RPS27: variants seen among roughly 807,000 people sequenced by gnomAD.
The protein encoded by RPS27 is small ribosomal subunit protein eS27.
RPS27 carries 1 observed loss-of-function variant against 11.8 expected under a neutral mutation model. The ratio of observed to expected loss-of-function variants is 0.08; its 90% CI spans 0.03 to 0.40. RPS27 has a LOEUF of 0.40. Among genes scored for constraint, RPS27 ranks in the 10% least tolerant of loss-of-function variants. RPS27 has a pLI of 0.98. For missense variants in RPS27, 44 were observed against 100.1 expected (o/e 0.44, Z 2.39); for synonymous variants, 42 against 33.8 (o/e 1.24, Z -0.84).
chr1:153,991,838 A>T (rs985397734), intron 3 of RPS27, 162 bp downstream of exon 3: 6 of 669,890 alleles, frequency 9.0e-6, no homozygotes, highest in African/African-American at 7.2e-5. Flanking sequence ...TACTACCAAA[A>T]GCTATGTATT....
At chr1:153,991,399 G>C (rs1649394749) in intron 2 of RPS27, 167 bp from the exon 3 acceptor site, 3 of 1,471,004 alleles carry the variant, frequency 2.0e-6, no homozygotes, top group Non-Finnish European at 2.7e-6. Context: ...GCAAAGTTTT[G>C]CATCTTAGGA....
chr1:153,991,330 T>C, intron 2 of RPS27, 107 bp downstream of exon 2: 1 of 1,522,554 alleles, frequency 6.6e-7, no homozygotes, highest in Non-Finnish European at 8.8e-7. Context: ...CAGCTTCAGT[T>C]TCTTCGCCTG....
At chr1:153,991,035 G>C (rs1358867927) in intron 1 of RPS27, 80 bp from the exon 2 acceptor site, 2 of 1,228,362 alleles carry the variant, frequency 1.6e-6, no homozygotes, top group Non-Finnish European at 2.3e-6. Context: ...GCTCTCCCCG[G>C]TGTGTGACAG....
intron 1 of RPS27, 52 bp downstream of exon 1, chr1:153,990,854 T>G: frequency 6.2e-7 from 1 of 1,612,338 alleles, no homozygotes; most frequent in South Asian, 1.1e-5. Context: ...CTGTCCGAAC[T>G]CTCCCCTCAC....
rs373574399 is a variant in RPS27, at chr1:153,991,100, T to C, written c.7-15T>C. 2.9e-5 allele frequency: 45 copies of C among 1,551,432 alleles called. No individual in the cohort carries two copies. The highest frequency in any genetic ancestry group is 3.8e-5 in the Non-Finnish European group (43 of 1,143,886). On this transcript the variant is annotated splice_polypyrimidine_tract_variant and intron_variant, in intron 1 of 3. Transcript: ENST00000651669. Reference sequence around the variant, plus strand: ...GCTGTTGGTTTCTAAATCTCTGCATTTCTGTCCCTCTTAGCTCGCAAAGGA... The same window carrying C: ...GCTGTTGGTTTCTAAATCTCTGCATCTCTGTCCCTCTTAGCTCGCAAAGGA...
chr1:153,991,517 G>C (rs1340527435), intron 2 of RPS27, 49 bp from the exon 3 acceptor site: 4 of 1,362,364 alleles, frequency 2.9e-6, no homozygotes, highest in Admixed American at 3.8e-5. Context: ...ATAAGTGCAG[G>C]AAAGACGGGT....
intron 2 of RPS27, 67 bp from the exon 3 acceptor site, chr1:153,991,499 A>C: frequency 7.3e-7 from 1 of 1,368,744 alleles, no homozygotes; most frequent in South Asian, 1.2e-5. Flanking sequence ...ATGGATGATG[A>C]GTTGGGCATA....
rs924663438 is a variant in RPS27, at chr1:153,990,936, G to T, written c.6+134G>T. 7.2e-6 allele frequency: 10 copies of T among 1,379,518 alleles called. No homozygotes were observed. The African/African-American group carries it at 1.3e-4, about 18-fold the overall frequency. The allele number at this position is 1,379,518 out of a possible 1,614,324, so 85.5% of individuals were successfully genotyped here. A position where few individuals can be genotyped will look rare whatever the true frequency, so the allele number is the denominator to read the frequency against. The stretch of plus-strand genomic sequence containing the variant: ...TAGGACATTAACTCCAGGGACCGCA[G>T]CGGCCCACGGGCCACCCGCATAGAC... On this transcript the variant is annotated intron_variant, in intron 1 of 3. Coordinates refer to ENST00000651669, the MANE Select transcript of RPS27 (RefSeq NM_001030.6).
chr1:153,991,407 G>T, intron 2 of RPS27, 159 bp from the exon 3 acceptor site: 1 of 1,450,540 alleles, frequency 6.9e-7, no homozygotes, highest in Non-Finnish European at 9.3e-7. Flanking sequence ...TTGCATCTTA[G>T]GAGGAGTGAT....
intron 1 of RPS27, 45 bp from the exon 2 acceptor site, chr1:153,991,069 AT>A (rs777073331): frequency 3.5e-6 from 5 of 1,448,354 alleles, no homozygotes; most frequent in Non-Finnish European, 4.7e-6. Context: ...CGACCATCCC[AT>A]TTTCGCTGTT....
At chr1:153,990,855 C>G (rs1557895415) in intron 1 of RPS27, 53 bp downstream of exon 1, 1 of 1,611,964 alleles carries the variant, frequency 6.2e-7, no homozygotes, top group Non-Finnish European at 8.5e-7. Flanking sequence ...TGTCCGAACT[C>G]TCCCCTCACG....
chr1:153,992,095 A>C lies in RPS27; in HGVS notation c.*2A>C. The C allele has an allele frequency of 6.2e-7, 1 of 1,610,790 alleles. No homozygotes were observed. Among genetic ancestry groups the C allele is most frequent in the Non-Finnish European group, 8.5e-7 (1 of 1,178,224 alleles). On this transcript the variant is annotated 3_prime_UTR_variant, in exon 4 of 4. Coordinates refer to ENST00000651669, the MANE Select transcript of RPS27 (RefSeq NM_001030.6). ...TCCTTCAGGAGGAAGCAGCACTAAA[A>C]GCACTCTGAGTCAAGATGAGTGGGA...
Position 153,991,105 on chromosome 1 carries a change from T to C in RPS27, c.7-10T>C, listed in dbSNP as rs1649370995. ...TGGTTTCTAAATCTCTGCATTTCTGTCCCTCTTAGCTCGCAAAGGATCTCC... is the reference window on the plus strand; with the variant it reads ...TGGTTTCTAAATCTCTGCATTTCTGCCCCTCTTAGCTCGCAAAGGATCTCC... On this transcript the variant is annotated splice_polypyrimidine_tract_variant and intron_variant, in intron 1 of 3. Transcript: ENST00000651669. 4 of 1,557,108 alleles carry C rather than the reference T, an allele frequency of 2.6e-6. No individual in the cohort carries two copies. The South Asian group carries it at 4.6e-5, about 18-fold the overall frequency.
Position 153,990,818 on chromosome 1 carries a change from C to T in RPS27, c.6+16C>T, listed in dbSNP as rs756715163. 2.5e-6 allele frequency: 4 copies of T among 1,614,080 alleles called. No individual in the cohort carries two copies. Among genetic ancestry groups the T allele is most frequent in the Non-Finnish European group, 3.4e-6 (4 of 1,180,040 alleles). ...GAACATGCCTGTGAGTGCTTTGGTC[C>T]AGGTTTCGGCGGAGATCTCGCTGTT... On this transcript the variant is annotated intron_variant, in intron 1 of 3. Transcript: ENST00000651669.
At chr1:153,990,967 C>T in intron 1 of RPS27, 148 bp from the exon 2 acceptor site, 7 of 1,216,376 alleles carry the variant, frequency 5.8e-6, no homozygotes, top group South Asian at 1.3e-5. Context: ...TAGACGGGAG[C>T]GGAGAGGAGA....
chr1:153,992,056 T>C lies in RPS27; in HGVS notation c.227-9T>C. 1 of 1,613,426 alleles carries C rather than the reference T, an allele frequency of 6.2e-7. No homozygotes were observed. ...GATGACAGCTAATCTCTGAATCTTT[T>C]TCCTCCAGGATGTTCCTTCAGGAGG... On this transcript the variant is annotated splice_polypyrimidine_tract_variant and intron_variant, in intron 3 of 3. Transcript: ENST00000651669.
intron 3 of RPS27, 148 bp downstream of exon 3, chr1:153,991,824 T>C (rs1188399726): frequency 1.5e-6 from 1 of 670,390 alleles, no homozygotes; most frequent in Non-Finnish European, 2.6e-6. Flanking sequence ...TTGTTTTAAC[T>C]AGATACTACC....
intron 2 of RPS27, 56 bp from the exon 3 acceptor site, chr1:153,991,510 A>T: frequency 7.2e-7 from 1 of 1,397,070 alleles, no homozygotes; most frequent in South Asian, 1.2e-5. Flanking sequence ...GTTGGGCATA[A>T]GTGCAGGAAA....
chr1:153,990,934 C>G, intron 1 of RPS27, 132 bp downstream of exon 1: 1 of 1,384,610 alleles, frequency 7.2e-7, no homozygotes, highest in Non-Finnish European at 1.0e-6. Context: ...CCAGGGACCG[C>G]AGCGGCCCAC....
Sources: allele counts gnomAD v4.1 joint callset, GRCh38; gene constraint gnomAD v4.1.1; transcripts MANE v1.5; gene names NCBI Gene and HGNC (gene_info 2026-07-23, HGNC 2026-07-21).